Variants in ZNF765 observed in about 807,000 individuals in gnomAD.
ZNF765 encodes the protein zinc finger protein 765.
ZNF765 carries 37 observed loss-of-function variants against 44.7 expected under a neutral mutation model. The observed-to-expected ratio is 0.83, with a 90% confidence interval of 0.64 to 1.09. ZNF765 has a LOEUF of 1.09. ZNF765 is among the 50% of genes least tolerant of loss of function. The pLI is 0.00. For missense variants in ZNF765, 594 were observed against 626.1 expected (o/e 0.95, Z 0.55); for synonymous variants, 201 against 213.7 (o/e 0.94, Z 0.52).
chr19:53,426,511 C>G (rs3929239), exon 4 of ZNF765: 1 of 151,724 alleles, frequency 6.6e-6, no homozygotes, highest in African/African-American at 2.4e-5. Context: ...TAATCTAGAC[C>G]AGGGATCCCC....
intron 3 of ZNF765, among the ~76,000 whole-genome samples, chr19:53,420,292 AC>A: frequency 6.6e-6 from 1 of 152,340 alleles, no homozygotes; most frequent in Middle Eastern, 3.4e-3. Flanking sequence ...AGATCGCACC[AC>A]TGCACTCCAG....
chr19:53,399,556 C>T (rs2085702902), intron 2 of ZNF765, among the ~76,000 whole-genome samples: 1 of 151,934 alleles, frequency 6.6e-6, no homozygotes, highest in South Asian at 2.1e-4. Context: ...TGGCACGTGC[C>T]CCTAATCCCA....
chr19:53,414,490 C>CACA (rs1568786145), downstream of ZNF765, among the ~76,000 whole-genome samples: 19 of 17,250 alleles, frequency 1.1e-3, no homozygotes, highest in Non-Finnish European at 1.5e-3. Context: ...CACACACACA[C>CACA]CCCCCCCCCC....
Position 53,408,177 on chromosome 19 carries a change from G to T in ZNF765, c.622G>T (p.Val208Leu), listed in dbSNP as rs1340279778. 2 of 1,613,984 alleles carry T rather than the reference G, an allele frequency of 1.2e-6. No individual in the cohort carries two copies. The highest frequency in any genetic ancestry group is 1.7e-5 in the Admixed American group (1 of 59,988). ...TTCATTATTCACACAAAAACAGGAA[G>T]TACATATGAGGGAAAAATCTTTCCA... ...NSSLFTQKQE[V>L]HMREKSFQCN... is the part of the protein sequence containing the mutation. Residue 208 changes from valine (V) to leucine (L), a missense_variant, in exon 4 of 4, where the codon GTA (valine) becomes TTA (leucine). By Grantham distance (32) the Val-to-Leu change is conservative. Coordinates refer to ENST00000396408, the MANE Select transcript of ZNF765 (RefSeq NM_001040185.3).
chr19:53,420,962 G>C (rs1323061456), intron 3 of ZNF765, among the ~76,000 whole-genome samples: 4 of 152,128 alleles, frequency 2.6e-5, no homozygotes, highest in Admixed American at 2.6e-4. Flanking sequence ...TGCTGAGGAG[G>C]ATTAGTGAAA....
chr19:53,418,675 G>C (rs551069424), intron 3 of ZNF765, among the ~76,000 whole-genome samples: 1 of 151,984 alleles, frequency 6.6e-6, no homozygotes, highest in Non-Finnish European at 1.5e-5. Context: ...TGGTGGGGGG[G>C]GCGGTGGATC....
intron 3 of ZNF765, among the ~76,000 whole-genome samples, chr19:53,421,719 G>A (rs1259935105): frequency 6.6e-6 from 1 of 152,070 alleles, no homozygotes; most frequent in Admixed American, 6.6e-5. Context: ...TCTCCATGTT[G>A]GTCAGGCTGG....
At chr19:53,413,186 C>G (rs2085846755), downstream of ZNF765, 5 of 578,692 alleles carry the variant, frequency 8.6e-6, no homozygotes, top group Non-Finnish European at 1.7e-5. Context: ...CTCTGCCTCT[C>G]ACCAGATCTT....
intron 3 of ZNF765, among the ~76,000 whole-genome samples, chr19:53,406,812 G>A (rs1962266822): frequency 6.6e-6 from 1 of 152,218 alleles, no homozygotes; most frequent in African/African-American, 2.4e-5. Context: ...GTACTCAGGA[G>A]GCTGAGGCAG....
At position 53,408,607 on chromosome 19, in the gene ZNF765, G is replaced by T; in HGVS notation, c.1052G>T (p.Gly351Val). ...ACATGCCATCGTAGGCTTCATACTG[G>T]AGAGAAACCTTACAAGTGTAATGAG... Reference protein sequence around the residue: ...YLTCHRRLHTGEKPYKCNECG... With the variant: ...YLTCHRRLHTVEKPYKCNECG... Residue 351 changes from glycine (G) to valine (V), a missense_variant, in exon 4 of 4, where the codon GGA becomes GTA. By Grantham distance (109) the Gly-to-Val change is moderately radical (BLOSUM62 -3). Around this residue, in one of 2 missense-constraint regions of ZNF765, gnomAD observed 567 missense variants for 572.6 expected, o/e 0.99. Transcript: ENST00000396408. 6.2e-7 allele frequency: 1 copy of T among 1,613,386 alleles called. No individual in the cohort carries two copies. The highest frequency in any genetic ancestry group is 1.1e-5 in the South Asian group (1 of 91,022).
chr19:53,397,973 G>T lies in ZNF765; in HGVS notation c.-43G>T. The T allele has an allele frequency of 6.2e-7, 1 of 1,611,694 alleles. No individual in the cohort carries two copies. Among genetic ancestry groups the T allele is most frequent in the South Asian group, 1.1e-5 (1 of 91,036 alleles). On this transcript the variant is annotated 5_prime_UTR_variant, in exon 2 of 4. In the 5' UTR this introduces an upstream ATG that the reference lacks. Coordinates refer to ENST00000396408, the MANE Select transcript of ZNF765 (RefSeq NM_001040185.3). ...ACTTCTAAAGACTCTTGGTATGTGA[G>T]GAAGAAACCTGGAAGAGGAAGAGGA...
At chr19:53,401,462 C>T (rs1403844895) in intron 2 of ZNF765, among the ~76,000 whole-genome samples, 6 of 152,018 alleles carry the variant, frequency 3.9e-5, no homozygotes. Context: ...ACTCGGGAGG[C>T]TGAGGCAGGA....
At chr19:53,421,374 C>A (rs2085906313) in intron 3 of ZNF765, among the ~76,000 whole-genome samples, 1 of 152,114 alleles carries the variant, frequency 6.6e-6, no homozygotes. Flanking sequence ...GTGCCGGTCC[C>A]CTGGGCCCAC....
chr19:53,404,683 A>G (rs1416886825), intron 3 of ZNF765, among the ~76,000 whole-genome samples: 2 of 151,498 alleles, frequency 1.3e-5, no homozygotes, highest in Non-Finnish European at 2.9e-5. Context: ...TATGTTCTTC[A>G]TCTCCTGACC....
chr19:53,400,783 T>TATACAC (rs10664389), intron 2 of ZNF765, among the ~76,000 whole-genome samples: 28 of 126,768 alleles, frequency 2.2e-4, no homozygotes, highest in African/African-American at 3.2e-4. Flanking sequence ...TATATATATA[T>TATACAC]ACACACATAC....
chr19:53,414,023 C>T (rs1326082818), downstream of ZNF765, among the ~76,000 whole-genome samples: 6 of 150,336 alleles, frequency 4.0e-5, no homozygotes, highest in East Asian at 1.2e-3. Flanking sequence ...GGCGGATCAC[C>T]TGAGGTTGGG....
At chr19:53,396,563 A>G (rs1050707904) in intron 1 of ZNF765, among the ~76,000 whole-genome samples, 28 of 151,756 alleles carry the variant, frequency 1.8e-4, no homozygotes, top group South Asian at 4.2e-4. Flanking sequence ...TGAAAGAAAA[A>G]CAAGAACAGC....
intron 3 of ZNF765, among the ~76,000 whole-genome samples, chr19:53,421,340 T>G (rs2085906000): frequency 6.6e-6 from 1 of 152,144 alleles, no homozygotes; most frequent in South Asian, 2.1e-4. Flanking sequence ...CAACCAGTGC[T>G]GGCGCAGGAC....
At chr19:53,405,094 G>T (rs1174926032) in intron 3 of ZNF765, among the ~76,000 whole-genome samples, 2 of 152,124 alleles carry the variant, frequency 1.3e-5, no homozygotes, top group African/African-American at 4.8e-5. Flanking sequence ...GCTCAAGCCA[G>T]TTATCCCAGC....
Sources: allele counts gnomAD v4.1 joint callset (sites outside exome capture counted in the v4.1 genomes callset), GRCh38; gene constraint gnomAD v4.1.1; regional missense constraint gnomAD v4.1.1; transcripts MANE v1.5; gene names NCBI Gene and HGNC (gene_info 2026-07-23, HGNC 2026-07-21).